Variants in KHDRBS2 observed in about 807,000 individuals in gnomAD.
KHDRBS2 encodes the protein KH RNA binding domain containing, signal transduction associated 2.
A neutral mutation model predicts 44.3 loss-of-function variants in KHDRBS2; 26 were observed. The observed-to-expected ratio is 0.59, with a 90% CI of 0.43 to 0.81. The LOEUF (loss-of-function observed/expected upper bound fraction) is 0.81, where lower values mean the gene tolerates loss of function less well. Among genes scored for constraint, KHDRBS2 ranks in the 40% least tolerant of loss-of-function variants. The pLI is 0.00. For synonymous variants in KHDRBS2, 194 were observed against 151.1 expected, an observed-to-expected ratio of 1.28 and a Z score of -2.08; for missense variants, 476 against 433.1, an observed-to-expected ratio of 1.10 and a Z score of -0.88.
At chr6:62,267,510 A>G (rs1364643319) in intron 1 of KHDRBS2, among the ~76,000 whole-genome samples, 4 of 152,086 alleles carry the variant, frequency 2.6e-5, no homozygotes, top group African/African-American at 9.7e-5. Flanking sequence ...AAATGGGTCA[A>G]AACAAACTTG....
At chr6:62,012,100 C>T (rs549700226) in intron 3 of KHDRBS2, among the ~76,000 whole-genome samples, 180 of 98,396 alleles carry the variant, frequency 1.8e-3, no homozygotes, top group Middle Eastern at 0.011. Context: ...CCCTTCTTGA[C>T]GAGTCCATGT....
chr6:61,947,288 A>G (rs1813572843), intron 4 of KHDRBS2, among the ~76,000 whole-genome samples: 1 of 152,096 alleles, frequency 6.6e-6, no homozygotes, highest in Non-Finnish European at 1.5e-5. Flanking sequence ...TCTAAATAAT[A>G]ATTTGGAAAA....
intron 6 of KHDRBS2, among the ~76,000 whole-genome samples, chr6:61,873,641 A>AT (rs950713559): frequency 6.6e-6 from 1 of 151,532 alleles, no homozygotes; most frequent in African/African-American, 2.4e-5. Context: ...AAAGAAAAAA[A>AT]AAAAGAGAAA....
rs1562992065 is a variant in KHDRBS2, at chr6:62,169,178, T to TACGTATACATATAC, written c.219+8006_219+8007insGTATATGTATACGT. 3.5e-5 allele frequency among the ~76,000 whole-genome samples: 5 copies of TACGTATACATATAC among 143,542 alleles called. No homozygotes were observed. The South Asian group carries it at 1.1e-3, about 31-fold the overall frequency. The allele number at this position is 143,542 out of a possible 152,430, so 94.2% of individuals were successfully genotyped here. Reference sequence around the variant, plus strand: ...ATATACGTACACATATATGTATATATGTATATATACGTATACATATATGTA... The same window carrying TACGTATACATATAC: ...ATATACGTACACATATATGTATATATACGTATACATATACGTATATATACGTATACATATATGTA... On this transcript the variant is annotated intron_variant, in intron 2 of 8. Coordinates refer to ENST00000281156, the MANE Select transcript of KHDRBS2 (RefSeq NM_152688.4).
downstream of KHDRBS2, among the ~76,000 whole-genome samples, chr6:61,675,955 G>T (rs544292709): frequency 1.2e-3 from 177 of 151,822 alleles, 1 homozygote; most frequent in African/African-American, 4.0e-3. Flanking sequence ...ACCTTAAAAT[G>T]CCATGCAAGT....
chr6:61,696,446 A>G (rs1274119615), intron 8 of KHDRBS2, among the ~76,000 whole-genome samples: 1 of 151,446 alleles, frequency 6.6e-6, no homozygotes, highest in Non-Finnish European at 1.5e-5. Flanking sequence ...TTTGGTAGAG[A>G]CGGGGTTTCA....
At chr6:61,794,758 G>T (rs1785079898) in intron 6 of KHDRBS2, among the ~76,000 whole-genome samples, 1 of 152,092 alleles carries the variant, frequency 6.6e-6, no homozygotes, top group Non-Finnish European at 1.5e-5. Context: ...AATACATGTT[G>T]CTGTGTTTTT....
chr6:62,122,949 G>A (rs574665750), intron 2 of KHDRBS2, among the ~76,000 whole-genome samples: 1 of 151,624 alleles, frequency 6.6e-6, no homozygotes, highest in East Asian at 1.9e-4. Context: ...TGTGAACAAC[G>A]TGCAGTTTTG....
intron 2 of KHDRBS2, among the ~76,000 whole-genome samples, chr6:62,086,463 G>C (rs1798396892): frequency 6.6e-6 from 1 of 152,166 alleles, no homozygotes. Flanking sequence ...TTAGATATAA[G>C]AAATCTGAGA....
Position 61,930,546 on chromosome 6 carries a change from G to GAAAAAAAAAAAAAAAAAAAAAA in KHDRBS2, c.484-29176_484-29175insTTTTTTTTTTTTTTTTTTTTTT, listed in dbSNP as rs1439236595. Among the ~76,000 whole-genome samples the GAAAAAAAAAAAAAAAAAAAAAA allele has an allele frequency of 3.4e-4, 16 of 47,598 alleles. 1 individual carries two copies. The highest frequency in any genetic ancestry group is 1.6e-3 in the South Asian group (2 of 1,268). 31.2% of individuals were successfully genotyped at this position (47,598 alleles called of 152,430 possible). A position where few individuals can be genotyped will look rare whatever the true frequency, so the allele number is the denominator to read the frequency against. On this transcript the variant is annotated intron_variant, in intron 4 of 8. Coordinates refer to ENST00000281156, the MANE Select transcript of KHDRBS2 (RefSeq NM_152688.4). ...CCTAAAAAAAAAAAAAAAAAAAAAA[G>GAAAAAAAAAAAAAAAAAAAAAA]AAAAAAAAAAAAAAAAAAAAAGGCT... is the stretch of plus-strand genomic sequence containing the variant.
At chr6:61,584,218 C>T in the KHDRBS2 span, among the ~76,000 whole-genome samples, 2,016 of 151,874 alleles carry the variant, frequency 0.013, 25 homozygotes, top group Non-Finnish European at 0.022. Flanking sequence ...CTTTTCTTGT[C>T]CCATTGCACC....
intron 6 of KHDRBS2, among the ~76,000 whole-genome samples, chr6:61,753,929 T>C (rs1334154970): frequency 6.6e-6 from 1 of 151,816 alleles, no homozygotes; most frequent in Non-Finnish European, 1.5e-5. Context: ...ATAAGACATG[T>C]GGAAAAAAGA....
At chr6:62,211,433 T>C (rs1829024367) in intron 1 of KHDRBS2, among the ~76,000 whole-genome samples, 1 of 152,192 alleles carries the variant, frequency 6.6e-6, no homozygotes, top group Non-Finnish European at 1.5e-5. Flanking sequence ...ACATGATTTC[T>C]GGTTGATAAG....
intron 4 of KHDRBS2, among the ~76,000 whole-genome samples, chr6:61,909,754 T>C (rs1805708543): frequency 6.6e-6 from 1 of 152,252 alleles, no homozygotes; most frequent in Non-Finnish European, 1.5e-5. Context: ...TCTGTTATGA[T>C]GGCATTTTGC....
chr6:61,547,851 A>G, the KHDRBS2 span, among the ~76,000 whole-genome samples: 7 of 152,112 alleles, frequency 4.6e-5, no homozygotes, highest in Admixed American at 2.0e-4. Context: ...AAAAAGTCCA[A>G]TTTCTCTGTC....
chr6:62,008,947 T>A (rs1779791679), intron 3 of KHDRBS2, among the ~76,000 whole-genome samples: 1 of 152,136 alleles, frequency 6.6e-6, no homozygotes, highest in African/African-American at 2.4e-5. Flanking sequence ...GAAAACGGGC[T>A]AATAGAGTAA....
chr6:61,753,308 GCTT>G (rs1472687971), intron 6 of KHDRBS2, among the ~76,000 whole-genome samples: 1 of 152,118 alleles, frequency 6.6e-6, no homozygotes, highest in Non-Finnish European at 1.5e-5. Flanking sequence ...AGAGAAGAAA[GCTT>G]CTTCCTCGAT....
intron 6 of KHDRBS2, among the ~76,000 whole-genome samples, chr6:61,751,152 G>T (rs1777631478): frequency 6.6e-6 from 1 of 152,074 alleles, no homozygotes; most frequent in Admixed American, 6.6e-5. Flanking sequence ...AAGTAAAATT[G>T]TGACAGTCTA....
intron 2 of KHDRBS2, among the ~76,000 whole-genome samples, chr6:62,070,890 T>C (rs188016593): frequency 6.6e-6 from 1 of 152,178 alleles, no homozygotes; most frequent in Non-Finnish European, 1.5e-5. Context: ...GTATTTCTAG[T>C]TCTAGATCCT....
Sources: allele counts gnomAD v4.1 joint callset (sites outside exome capture counted in the v4.1 genomes callset), GRCh38; gene constraint gnomAD v4.1.1; transcripts MANE v1.5; gene names NCBI Gene and HGNC (gene_info 2026-07-23, HGNC 2026-07-21).